The following GSDMC variants were observed in gnomAD, a reference collection of about 807,000 sequenced individuals.
GSDMC encodes the protein gasdermin-C.
In GSDMC, 59 loss-of-function variants were observed where a neutral mutation model predicts 58.0. The ratio of observed to expected loss-of-function variants is 1.02; its 90% CI spans 0.82 to 1.26. The LOEUF is 1.26. Ranked by LOEUF, GSDMC falls within the 50% of genes most tolerant of loss-of-function variation. GSDMC has a pLI of 0.00. For synonymous variants in GSDMC, 241 were observed against 220.2 expected (o/e 1.09, Z -0.83); for missense variants, 659 against 598.5 (o/e 1.10, Z -1.06).
chr8:129,751,926 C>T, intron 8 of GSDMC, 35 bp from the exon 9 acceptor site: 1 of 1,601,374 alleles, frequency 6.2e-7, no homozygotes, highest in Non-Finnish European at 8.6e-7. Context: ...ACCAAAGAGG[C>T]TCAAAGACTA....
At chr8:129,785,562 G>T (rs77616582) in intron 1 of GSDMC, among the ~76,000 whole-genome samples, 2,162 of 151,624 alleles carry the variant, frequency 0.014, 60 homozygotes, top group African/African-American at 0.049. Context: ...TAATTGTATT[G>T]TTACAATTAA....
chr8:129,779,851 G>A (rs1010412104), intron 1 of GSDMC, among the ~76,000 whole-genome samples: 1 of 152,024 alleles, frequency 6.6e-6, no homozygotes, highest in Non-Finnish European at 1.5e-5. Context: ...CAAAATAGCT[G>A]TTTTGAGGAC....
chr8:129,762,595 C>T (rs1304956199), intron 5 of GSDMC, 31 bp downstream of exon 5: 3 of 1,306,622 alleles, frequency 2.3e-6, no homozygotes, highest in Non-Finnish European at 3.3e-6. Flanking sequence ...CCTCCACTGC[C>T]ATCTGCCTTG....
the GSDMC span, chr8:129,729,135 G>A: frequency 3.0e-6 from 2 of 657,012 alleles, no homozygotes; most frequent in South Asian, 2.9e-5. Context: ...GCAGGAGTTG[G>A]AAGACAGGAG....
chr8:129,775,625 C>A (rs1003493190), intron 3 of GSDMC, among the ~76,000 whole-genome samples: 2 of 152,068 alleles, frequency 1.3e-5, no homozygotes, highest in Admixed American at 6.5e-5. Context: ...CTTAAATTCA[C>A]ACAATTTTAT....
the GSDMC span, among the ~76,000 whole-genome samples, chr8:129,713,313 C>A: frequency 4.6e-5 from 7 of 152,242 alleles, no homozygotes; most frequent in Admixed American, 1.3e-4. Flanking sequence ...TGTGACTGGC[C>A]GTGGGGAGGC....
At chr8:129,760,490 C>G in intron 6 of GSDMC, 55 bp downstream of exon 6, 1 of 938,008 alleles carries the variant, frequency 1.1e-6, no homozygotes, top group Admixed American at 2.0e-5. Context: ...AATATACATA[C>G]CTCCCATGTA....
chr8:129,730,213 T>C, the GSDMC span: 2 of 1,252,160 alleles, frequency 1.6e-6, no homozygotes, highest in Non-Finnish European at 2.2e-6. Flanking sequence ...GAAGAAGAAA[T>C]GAATAAAAGA....
chr8:129,760,452 TG>T (rs1217168193), intron 6 of GSDMC, 92 bp downstream of exon 6: 1 of 696,136 alleles, frequency 1.4e-6, no homozygotes, highest in African/African-American at 1.8e-5. Flanking sequence ...ATTGCATGCC[TG>T]TATCAAAACA....
chr8:129,717,462 A>C, the GSDMC span, among the ~76,000 whole-genome samples: 1 of 152,026 alleles, frequency 6.6e-6, no homozygotes, highest in Non-Finnish European at 1.5e-5. Context: ...CCAGCTTACA[A>C]GGGATGTGAA....
intron 6 of GSDMC, 132 bp downstream of exon 6, chr8:129,760,413 C>T: frequency 1.9e-6 from 1 of 522,532 alleles, no homozygotes; most frequent in South Asian, 3.0e-5. Flanking sequence ...AAGATGAATA[C>T]TCCATTTTCC....
At chr8:129,729,266 G>A in the GSDMC span, 3 of 620,506 alleles carry the variant, frequency 4.8e-6, no homozygotes, top group Non-Finnish European at 6.1e-6. Context: ...ACATGTATCT[G>A]CCAGTATTGG....
chr8:129,716,845 G>T, the GSDMC span, among the ~76,000 whole-genome samples: 3 of 152,076 alleles, frequency 2.0e-5, no homozygotes, highest in Non-Finnish European at 4.4e-5. Flanking sequence ...GAATTTTATT[G>T]AAGGCCTTTT....
chr8:129,714,521 A>T, the GSDMC span, among the ~76,000 whole-genome samples: 1 of 152,244 alleles, frequency 6.6e-6, no homozygotes, highest in Admixed American at 6.5e-5. Flanking sequence ...TTCACTGTGT[A>T]TCTTATTGTT....
At chr8:129,757,111 A>C (rs1238091562) in intron 6 of GSDMC, among the ~76,000 whole-genome samples, 1 of 152,074 alleles carries the variant, frequency 6.6e-6, no homozygotes, top group Non-Finnish European at 1.5e-5. Context: ...TCAATGAAAC[A>C]AAAAGTTGGC....
chr8:129,736,604 ACT>A, the GSDMC span, among the ~76,000 whole-genome samples: 1 of 152,048 alleles, frequency 6.6e-6, no homozygotes, highest in Non-Finnish European at 1.5e-5. Flanking sequence ...CATGCTAAAA[ACT>A]CTCAATAAAT....
In GSDMC at chr8:129,748,550, G is replaced by T. The variant is rs1415125488; in HGVS notation, c.1478C>A (p.Ser493Tyr). ...TWDVEAKMPLSALYGTLSLLQ... is the reference protein window; with the variant it reads ...TWDVEAKMPLYALYGTLSLLQ... ...CAACGAGAGAGTCCCATAGAGGGCA[G>T]ACAGGGGCATCTTTGCTTCTACATC... is the stretch of plus-strand genomic sequence containing the variant. Residue 493 changes from serine to tyrosine, a missense_variant, in exon 14 of 14, where the codon TCT (serine) becomes TAT (tyrosine). Transcript: ENST00000276708. 1 of 1,613,604 alleles carries T rather than the reference G, an allele frequency of 6.2e-7. No homozygotes were observed. Among genetic ancestry groups the T allele is most frequent in the African/African-American group, 1.3e-5 (1 of 75,030 alleles).
the GSDMC span, among the ~76,000 whole-genome samples, chr8:129,727,745 G>C: frequency 6.6e-6 from 1 of 152,228 alleles, no homozygotes; most frequent in Non-Finnish European, 1.5e-5. Context: ...TCTTGGGTAA[G>C]AGATTGGAGC....
At chr8:129,733,490 C>T in the GSDMC span, among the ~76,000 whole-genome samples, 1 of 152,356 alleles carries the variant, frequency 6.6e-6, no homozygotes, top group East Asian at 1.9e-4. Flanking sequence ...GCAATATTTG[C>T]TGTTCTGCAG....
Sources: gnomAD v4.1 joint callset for allele counts (sites outside exome capture counted in the v4.1 genomes callset) on GRCh38, gnomAD v4.1.1 for gene constraint, MANE v1.5 for transcripts, NCBI Gene and HGNC (gene_info 2026-07-23, HGNC 2026-07-21) for gene names.